KCNIP4: variants seen among roughly 807,000 people sequenced by gnomAD.
KCNIP4 encodes the protein Kv channel-interacting protein 4.
Under a neutral mutation model 34.0 loss-of-function variants are expected in KCNIP4, and 12 were observed. The ratio of observed to expected loss-of-function variants is 0.35; its 90% CI spans 0.23 to 0.57. The LOEUF is 0.57. KCNIP4 is among the 20% of genes least tolerant of loss of function. The probability of loss-of-function intolerance (pLI) is 0.83; values close to 1 mark genes in which losing one functional copy is unlikely to be tolerated. For synonymous variants in KCNIP4, 124 were observed against 102.2 expected (o/e 1.21, Z -1.29); for missense variants, 238 against 311.7 (o/e 0.76, Z 1.78).
At chr4:20,939,838 T>C (rs1256346467) in intron 1 of KCNIP4, among the ~76,000 whole-genome samples, 1 of 152,206 alleles carries the variant, frequency 6.6e-6, no homozygotes, top group Non-Finnish European at 1.5e-5. Flanking sequence ...TTAAAATATG[T>C]ATAGAATCTG....
intron 1 of KCNIP4, among the ~76,000 whole-genome samples, chr4:21,235,178 T>G (rs1353032787): frequency 6.6e-6 from 1 of 152,176 alleles, no homozygotes; most frequent in Non-Finnish European, 1.5e-5. Flanking sequence ...GTTTGTTCTC[T>G]ACATTCACAA....
intron 1 of KCNIP4, among the ~76,000 whole-genome samples, chr4:21,311,250 C>T (rs1713125915): frequency 6.6e-6 from 1 of 152,060 alleles, no homozygotes; most frequent in African/African-American, 2.4e-5. Context: ...TATTCCTAGC[C>T]ACTATATGGA....
intron 1 of KCNIP4, among the ~76,000 whole-genome samples, chr4:20,897,448 T>C (rs1726673997): frequency 6.6e-6 from 1 of 152,126 alleles, no homozygotes; most frequent in African/African-American, 2.4e-5. Flanking sequence ...CTACTTCCTA[T>C]TCTCTTTCAA....
chr4:20,988,651 C>G (rs1291155589), intron 1 of KCNIP4, among the ~76,000 whole-genome samples: 1 of 152,108 alleles, frequency 6.6e-6, no homozygotes, highest in African/African-American at 2.4e-5. Context: ...CATAGAATCA[C>G]AATGTATATA....
At chr4:20,887,026 CATA>C (rs200960711) in intron 1 of KCNIP4, among the ~76,000 whole-genome samples, 461 of 151,968 alleles carry the variant, frequency 3.0e-3, no homozygotes, top group African/African-American at 0.01. Context: ...TAAAGATAGT[CATA>C]ATAAGTAAAG....
intron 1 of KCNIP4, among the ~76,000 whole-genome samples, chr4:21,202,139 T>C (rs553474328): frequency 1.2e-3 from 186 of 152,224 alleles, no homozygotes; most frequent in African/African-American, 4.2e-3. Context: ...GGAAAACAAA[T>C]AATTCTATCA....
At chr4:21,665,518 C>T (rs74948050) in intron 1 of KCNIP4, among the ~76,000 whole-genome samples, 4 of 150,052 alleles carry the variant, frequency 2.7e-5, no homozygotes, top group East Asian at 3.9e-4. Flanking sequence ...GGCACCCCCC[C>T]CCCCTCATTT....
intron 1 of KCNIP4, among the ~76,000 whole-genome samples, chr4:21,701,290 A>G (rs1405229183): frequency 6.6e-6 from 1 of 152,218 alleles, no homozygotes; most frequent in Admixed American, 6.5e-5. Context: ...ATGTTGGTCA[A>G]AGGTTACAAA....
intron 1 of KCNIP4, among the ~76,000 whole-genome samples, chr4:21,113,103 C>T (rs1036296211): frequency 7.9e-5 from 12 of 152,102 alleles, no homozygotes; most frequent in Middle Eastern, 6.8e-3. Flanking sequence ...TCCAAATTTC[C>T]GGGAATGTCT....
chr4:20,959,211 C>A (rs144559712), intron 1 of KCNIP4, among the ~76,000 whole-genome samples: 396 of 152,336 alleles, frequency 2.6e-3, no homozygotes, highest in African/African-American at 8.8e-3. Flanking sequence ...TGGTTCACCT[C>A]TTGGCCCCCT....
At chr4:20,746,362 G>C (rs1008793280) in intron 5 of KCNIP4, among the ~76,000 whole-genome samples, 1 of 152,012 alleles carries the variant, frequency 6.6e-6, no homozygotes, top group African/African-American at 2.4e-5. Context: ...TCACACACCA[G>C]GGCATGTCGG....
chr4:21,686,521 C>T (rs1045334807), intron 1 of KCNIP4, among the ~76,000 whole-genome samples: 2 of 151,854 alleles, frequency 1.3e-5, no homozygotes, highest in Non-Finnish European at 2.9e-5. Flanking sequence ...ATACTATGTT[C>T]CCCGTAGAAA....
At chr4:21,366,845 T>C (rs1333086950) in intron 1 of KCNIP4, among the ~76,000 whole-genome samples, 1 of 152,076 alleles carries the variant, frequency 6.6e-6, no homozygotes, top group Non-Finnish European at 1.5e-5. Flanking sequence ...GTTTATTATG[T>C]CAATTATGCA....
At chr4:21,645,418 G>C (rs1239205003) in intron 1 of KCNIP4, among the ~76,000 whole-genome samples, 1 of 152,176 alleles carries the variant, frequency 6.6e-6, no homozygotes, top group African/African-American at 2.4e-5. Flanking sequence ...TCATTTAAGA[G>C]ATAAACATCT....
chr4:21,196,632 G>T (rs1331866036), intron 1 of KCNIP4, among the ~76,000 whole-genome samples: 4 of 152,106 alleles, frequency 2.6e-5, no homozygotes, highest in Non-Finnish European at 5.9e-5. Context: ...TTCTGATATT[G>T]CCATCAATAA....
chr4:20,792,682 A>G (rs1174202765), intron 3 of KCNIP4, among the ~76,000 whole-genome samples: 1 of 152,194 alleles, frequency 6.6e-6, no homozygotes, highest in Non-Finnish European at 1.5e-5. Context: ...CATAATGAAG[A>G]TATTTCTTAA....
intron 1 of KCNIP4, among the ~76,000 whole-genome samples, chr4:21,151,770 T>G (rs1430673493): frequency 3.9e-5 from 6 of 152,124 alleles, no homozygotes; most frequent in Non-Finnish European, 1.5e-5. Flanking sequence ...ATGAACTGAA[T>G]GGTATGGGCT....
In KCNIP4 at chr4:20,845,081, G is replaced by A. The variant is rs145917231; in HGVS notation, c.288+5462C>T. Among the ~76,000 whole-genome samples the A allele has an allele frequency of 1.1e-3, 167 of 152,180 alleles. 1 individual carries two copies. Among genetic ancestry groups the A allele is most frequent in the Middle Eastern group, 6.8e-3 (2 of 294 alleles). On this transcript the variant is annotated intron_variant, in intron 3 of 8. Transcript: ENST00000382152. ...CCACTGTGATGGATACAACCTATGT[G>A]ACCCCCAGTGAGTCACACCTTTTTA...
At chr4:21,170,123 G>C (rs1243310581) in intron 1 of KCNIP4, among the ~76,000 whole-genome samples, 1 of 152,074 alleles carries the variant, frequency 6.6e-6, no homozygotes, top group Non-Finnish European at 1.5e-5. Context: ...AGCTTTACCA[G>C]AGATTTATTT....
Sources: allele counts gnomAD v4.1 joint callset (sites outside exome capture counted in the v4.1 genomes callset), GRCh38; gene constraint gnomAD v4.1.1; transcripts MANE v1.5; gene names NCBI Gene and HGNC (gene_info 2026-07-23, HGNC 2026-07-21).